GPHN: variants seen among roughly 807,000 people sequenced by gnomAD.
GPHN encodes gephyrin.
In GPHN, 17 loss-of-function variants were observed where a neutral mutation model predicts 95.5. That is an observed-to-expected ratio of 0.18 (90% CI 0.12 to 0.27). The LOEUF is 0.27. Ranked by LOEUF, GPHN falls within the 10% of genes least tolerant of loss-of-function variation. GPHN has a pLI of 1.00. For missense variants in GPHN, 660 were observed against 978.1 expected (o/e 0.67, Z 4.34); for synonymous variants, 320 against 322.5 (o/e 0.99, Z 0.08).
Position 66,593,430 on chromosome 14 carries a change from G to A in GPHN, c.64+84839G>A, listed in dbSNP as rs564594430. On this transcript the variant is annotated intron_variant, in intron 1 of 22. Coordinates refer to ENST00000478722, the MANE Select transcript of GPHN (RefSeq NM_020806.5). ...TACAATTATGGCAGAAGGGGAAGCAGGCATGTCTTACATGGCATCAGGCAA... is the reference window on the plus strand; with the variant it reads ...TACAATTATGGCAGAAGGGGAAGCAAGCATGTCTTACATGGCATCAGGCAA... Among the ~76,000 whole-genome samples, 204 of 152,230 alleles carry A rather than the reference G, an allele frequency of 1.3e-3. 3 individuals carry two copies. Among genetic ancestry groups the A allele is most frequent in the Non-Finnish European group, 2.4e-3 (163 of 68,010 alleles).
the GPHN span, among the ~76,000 whole-genome samples, chr14:67,519,735 T>A: frequency 6.6e-6 from 1 of 152,040 alleles, no homozygotes; most frequent in Non-Finnish European, 1.5e-5. Context: ...TTTTTACTTT[T>A]TTTTTGAGAC....
chr14:67,340,485 T>G, the GPHN span: 1 of 1,613,640 alleles, frequency 6.2e-7, no homozygotes, highest in South Asian at 1.1e-5. Context: ...TGTGATGATA[T>G]AAGCAAGAGT....
chr14:66,665,218 G>C (rs112200978), intron 1 of GPHN, among the ~76,000 whole-genome samples: 1 of 152,100 alleles, frequency 6.6e-6, no homozygotes, highest in Admixed American at 6.6e-5. Context: ...GATGAATACT[G>C]ATGCAAAAAT....
intron 16 of GPHN, among the ~76,000 whole-genome samples, chr14:67,121,862 G>T (rs1309616390): frequency 6.6e-6 from 1 of 152,096 alleles, no homozygotes; most frequent in African/African-American, 2.4e-5. Context: ...CAGACTTAAG[G>T]ATATCATGTC....
chr14:66,801,631 TCCC>T (rs113152231), intron 3 of GPHN, among the ~76,000 whole-genome samples: 1 of 99,718 alleles, frequency 1.0e-5, no homozygotes, highest in South Asian at 4.1e-4. Flanking sequence ...CCCCGCTCTC[TCCC>T]CCCTCTCTCT....
chr14:67,719,759 T>C, the GPHN span, among the ~76,000 whole-genome samples: 1 of 152,244 alleles, frequency 6.6e-6, no homozygotes, highest in Non-Finnish European at 1.5e-5. Flanking sequence ...ATTACAGATG[T>C]AAGCCACAGT....
At chr14:67,143,493 C>A in intron 18 of GPHN, 44 bp downstream of exon 18, 1 of 1,158,806 alleles carries the variant, frequency 8.6e-7, no homozygotes, top group Non-Finnish European at 1.3e-6. Flanking sequence ...CTGTAATGTT[C>A]TTGCATATGG....
chr14:66,734,995 A>G (rs1316833802), intron 2 of GPHN, among the ~76,000 whole-genome samples: 2 of 152,216 alleles, frequency 1.3e-5, no homozygotes, highest in African/African-American at 4.8e-5. Context: ...AAAGGACACT[A>G]ATGTTCAACA....
At chr14:67,350,973 T>G in the GPHN span, among the ~76,000 whole-genome samples, 2 of 152,220 alleles carry the variant, frequency 1.3e-5, no homozygotes, top group East Asian at 3.8e-4. Context: ...AATGGGTACA[T>G]GCTGATTTAC....
chr14:67,244,503 A>G, the GPHN span, among the ~76,000 whole-genome samples: 8 of 152,218 alleles, frequency 5.3e-5, no homozygotes, highest in African/African-American at 1.9e-4. Flanking sequence ...TCTAATTTAC[A>G]TGAAATGAAG....
intron 9 of GPHN, among the ~76,000 whole-genome samples, chr14:67,001,954 G>A (rs2072259409): frequency 6.6e-6 from 1 of 151,402 alleles, no homozygotes; most frequent in Non-Finnish European, 1.5e-5. Context: ...CATGCATTTG[G>A]GTGAAATGTA....
chr14:67,656,356 A>G, the GPHN span: 1 of 1,449,868 alleles, frequency 6.9e-7, no homozygotes, highest in Non-Finnish European at 9.2e-7. Context: ...TACGGTTTCC[A>G]GGTGCAGTGG....
the GPHN span, chr14:67,380,514 C>G: frequency 4.8e-6 from 2 of 418,732 alleles, no homozygotes; most frequent in Non-Finnish European, 4.3e-6. Context: ...GATTTGAATT[C>G]TAATTGTGAC....
At chr14:67,659,300 A>C in the GPHN span, among the ~76,000 whole-genome samples, 1 of 152,216 alleles carries the variant, frequency 6.6e-6, no homozygotes, top group Non-Finnish European at 1.5e-5. Context: ...TTGTAACAAT[A>C]TTCTGATAAA....
the GPHN span, among the ~76,000 whole-genome samples, chr14:67,260,002 G>GA: frequency 6.6e-6 from 1 of 151,934 alleles, no homozygotes; most frequent in African/African-American, 2.4e-5. Context: ...TCCAGTCTTG[G>GA]AAACATTGTC....
chr14:67,337,277 C>T, the GPHN span: 12 of 152,272 alleles, frequency 7.9e-5, no homozygotes, highest in African/African-American at 1.9e-4. Flanking sequence ...TTTGGGAGGC[C>T]GAGGCAGGCA....
chr14:66,812,158 A>G (rs2060790123), intron 3 of GPHN, among the ~76,000 whole-genome samples: 1 of 152,064 alleles, frequency 6.6e-6, no homozygotes. Context: ...CTATAAATAA[A>G]CTCCCTGTAT....
intron 1 of GPHN, among the ~76,000 whole-genome samples, chr14:66,531,906 A>G (rs575308869): frequency 3.9e-5 from 6 of 152,342 alleles, no homozygotes; most frequent in East Asian, 1.9e-4. Flanking sequence ...TGTGAGCTGT[A>G]TATGATTTCT....
At chr14:66,941,032 C>T (rs746630255) in intron 8 of GPHN, among the ~76,000 whole-genome samples, 2 of 152,140 alleles carry the variant, frequency 1.3e-5, no homozygotes, top group Non-Finnish European at 2.9e-5. Flanking sequence ...ATTGCCATCA[C>T]CTGGCAGGAT....
Sources: allele counts gnomAD v4.1 joint callset (sites outside exome capture counted in the v4.1 genomes callset), GRCh38; gene constraint gnomAD v4.1.1; transcripts MANE v1.5; gene names NCBI Gene and HGNC (gene_info 2026-07-23, HGNC 2026-07-21).